Variants in BIN1 observed in about 807,000 individuals in gnomAD.
The protein encoded by BIN1 is myc box-dependent-interacting protein 1.
BIN1 carries 53 observed loss-of-function variants against 82.0 expected under a neutral mutation model. That is an observed-to-expected ratio of 0.65 (90% CI 0.52 to 0.81). BIN1 has a LOEUF of 0.81. BIN1 is among the 40% of genes least tolerant of loss of function. BIN1 has a pLI of 0.00. For missense variants in BIN1, 642 were observed against 784.4 expected, an observed-to-expected ratio of 0.82 and a Z score of 2.17; for synonymous variants, 302 against 328.0, an observed-to-expected ratio of 0.92 and a Z score of 0.86.
Position 127,093,051 on chromosome 2 carries a change from A to G in BIN1, c.84+13809T>C, listed in dbSNP as rs951601405. ...GGGCACAGCCTGGGGGCCCCCCCAC[A>G]GATGCCAGGTCAGCCCCCAGCCACC... On this transcript the variant is annotated intron_variant, in intron 1 of 18. Coordinates refer to ENST00000316724, the MANE Select transcript of BIN1 (RefSeq NM_139343.3). This position sits in a 1 kb window ranked among gnomAD's most constrained non-coding sequence, Gnocchi z 5.7. Among the ~76,000 whole-genome samples, 1 of 150,840 alleles carries G rather than the reference A, an allele frequency of 6.6e-6. No homozygotes were observed. Among genetic ancestry groups the G allele is most frequent in the Non-Finnish European group, 1.5e-5 (1 of 67,846 alleles).
At chr2:127,056,504 G>T (rs928873646) in intron 12 of BIN1, 1 of 152,578 alleles carries the variant, frequency 6.6e-6, no homozygotes, top group Non-Finnish European at 1.5e-5. Flanking sequence ...AGTTCCCAGC[G>T]GCCACTCCCC....
In BIN1 at chr2:127,068,067, G is replaced by A; in HGVS notation, c.612+96C>T. 7.8e-7 allele frequency: 1 copy of A among 1,283,760 alleles called. No individual in the cohort carries two copies. Among genetic ancestry groups the A allele is most frequent in the South Asian group, 1.3e-5 (1 of 78,968 alleles). The allele number at this position is 1,283,760 out of a possible 1,614,324, so 79.5% of individuals were successfully genotyped here. On this transcript the variant is annotated intron_variant, in intron 7 of 18. Transcript: ENST00000316724. This position sits in a 1 kb window ranked among gnomAD's most constrained non-coding sequence, Gnocchi z 4.9. ...CCTTTGAAAAACCCTGCCCCAGCTG[G>A]GCTCAGATGCCAGCCCTGCATTCCA...
chr2:127,091,136 T>C (rs1217096242), intron 1 of BIN1, among the ~76,000 whole-genome samples: 2 of 152,148 alleles, frequency 1.3e-5, no homozygotes, highest in East Asian at 3.9e-4. Context: ...CAAACAGTAT[T>C]GTTGTCATTT....
chr2:127,077,770 G>T (rs1177938122), intron 1 of BIN1, among the ~76,000 whole-genome samples: 1 of 152,334 alleles, frequency 6.6e-6, no homozygotes, highest in East Asian at 1.9e-4. Context: ...AGACCAGGGT[G>T]GCGGCGGGAC....
rs1191840422 is a variant in BIN1 at position 127,050,891 on chromosome 2, C to T, written c.1483G>A (p.Val495Met). The T allele has an allele frequency of 2.5e-6, 4 of 1,613,874 alleles. No individual in the cohort carries two copies. Among genetic ancestry groups the T allele is most frequent in the African/African-American group, 2.7e-5 (2 of 74,930 alleles). ...TTCACAGTTGCTGGGAAGGTCTCCA[C>T]CACGACAGCAGGAAGAGAGCTCTGG... Reference protein sequence around the residue: ...AASSSLPAVVVETFPATVNGT... With the variant: ...AASSSLPAVVMETFPATVNGT... The change falls in exon 17 of 19, where the codon GTG becomes ATG. Residue 495 changes from valine to methionine, a missense_variant. Coordinates refer to ENST00000316724, the MANE Select transcript of BIN1 (RefSeq NM_139343.3).
chr2:127,087,518 G>A (rs894803454), intron 1 of BIN1, among the ~76,000 whole-genome samples: 8 of 152,218 alleles, frequency 5.3e-5, no homozygotes, highest in Non-Finnish European at 1.0e-4. Context: ...GGGGAGCCCC[G>A]AGCAGAGCAC....
Position 127,049,959 on chromosome 2 carries a change from G to A in BIN1, c.1674+462C>T, listed in dbSNP as rs148296279. Among the ~76,000 whole-genome samples, 1,285 of 152,320 alleles carry A rather than the reference G, an allele frequency of 8.4e-3. 15 individuals are homozygous for A. Among genetic ancestry groups the A allele is most frequent in the African/African-American group, 0.029 (1,219 of 41,580 alleles). On this transcript the variant is annotated intron_variant, in intron 18 of 18. Coordinates refer to ENST00000316724, the MANE Select transcript of BIN1 (RefSeq NM_139343.3). Reference sequence around the variant, plus strand: ...GCGTGCACAGGGCAGGGCCCGCCTCGAGGGACGGCACACGGGGCTTCATGA... The same window carrying A: ...GCGTGCACAGGGCAGGGCCCGCCTCAAGGGACGGCACACGGGGCTTCATGA...
chr2:127,086,788 G>C (rs970956096), intron 1 of BIN1, among the ~76,000 whole-genome samples: 5 of 150,762 alleles, frequency 3.3e-5, no homozygotes, highest in Non-Finnish European at 4.4e-5. Flanking sequence ...TTATAGGCAT[G>C]AGCCACCGCG....
In BIN1 at chr2:127,051,763, G is replaced by A. The variant is rs147581486; in HGVS notation, c.1371+492C>T. On this transcript the variant is annotated intron_variant, in intron 15 of 18. Coordinates refer to ENST00000316724, the MANE Select transcript of BIN1 (RefSeq NM_139343.3). ...AAGGGTGTGGCACAGAATGGGCACC[G>A]CAGCACGGGCACCGCAGCACGGGCA... 2.9e-3 allele frequency among the ~76,000 whole-genome samples: 441 copies of A among 152,060 alleles called. 3 individuals are homozygous for A. Among genetic ancestry groups the A allele is most frequent in the African/African-American group, 9.9e-3 (411 of 41,460 alleles).
intron 1 of BIN1, among the ~76,000 whole-genome samples, chr2:127,097,157 C>T (rs1419975548): frequency 2.0e-5 from 3 of 152,206 alleles, no homozygotes; most frequent in Non-Finnish European, 4.4e-5. Context: ...CCCAGCTCTG[C>T]AACAAAAGGA....
At chr2:127,058,561 C>G (rs143727157) in intron 11 of BIN1, among the ~76,000 whole-genome samples, 1 of 149,804 alleles carries the variant, frequency 6.7e-6, no homozygotes, top group Admixed American at 6.6e-5. Flanking sequence ...CTTCCTCTCT[C>G]TGTCCCTTTA....
intron 14 of BIN1, 149 bp downstream of exon 14, chr2:127,053,273 C>T: frequency 8.4e-7 from 1 of 1,190,358 alleles, no homozygotes; most frequent in Non-Finnish European, 1.2e-6. Context: ...TCACCAGCTC[C>T]CTGTGCGTGA....
intron 1 of BIN1, among the ~76,000 whole-genome samples, chr2:127,092,869 C>G (rs535901491): frequency 1.3e-5 from 2 of 152,076 alleles, no homozygotes; most frequent in Non-Finnish European, 2.9e-5. Flanking sequence ...CCCCTGTGCC[C>G]GAAAGGAAGA....
intron 1 of BIN1, among the ~76,000 whole-genome samples, chr2:127,088,714 G>C (rs975707450): frequency 6.6e-6 from 1 of 151,484 alleles, no homozygotes; most frequent in African/African-American, 2.4e-5. Context: ...ACTCCAGCCA[G>C]GGCGACAGAG....
At chr2:127,060,649 A>G in intron 10 of BIN1, 5 of 1,614,106 alleles carry the variant, frequency 3.1e-6, no homozygotes, top group Non-Finnish European at 4.2e-6. Context: ...TTCTGTGGGG[A>G]CGGACGGGAG....
chr2:127,069,519 C>G (rs1685589008), intron 5 of BIN1, among the ~76,000 whole-genome samples: 1 of 152,210 alleles, frequency 6.6e-6, no homozygotes. Flanking sequence ...GCTCCGAGCA[C>G]CAACCCAGGC....
chr2:127,079,397 A>G (rs1687017778), intron 1 of BIN1, among the ~76,000 whole-genome samples: 1 of 152,154 alleles, frequency 6.6e-6, no homozygotes, highest in Admixed American at 6.5e-5. Flanking sequence ...AAATCCCTAA[A>G]AGGCCTTCAG....
chr2:127,091,233 C>A (rs975749665), intron 1 of BIN1, among the ~76,000 whole-genome samples: 1 of 152,112 alleles, frequency 6.6e-6, no homozygotes, highest in Admixed American at 6.5e-5. Flanking sequence ...AGGCACCCCA[C>A]GCAGCACAGT....
chr2:127,073,678 G>A (rs1686224409), intron 2 of BIN1, among the ~76,000 whole-genome samples: 1 of 152,208 alleles, frequency 6.6e-6, no homozygotes, highest in Non-Finnish European at 1.5e-5. Context: ...TCAATAGTCA[G>A]GGATGCCCAT....
Sources: gnomAD v4.1 joint callset for allele counts (sites outside exome capture counted in the v4.1 genomes callset) on GRCh38, gnomAD v4.1.1 for gene constraint, Gnocchi (gnomAD v3.1) non-coding constraint, MANE v1.5 for transcripts, NCBI Gene and HGNC (gene_info 2026-07-23, HGNC 2026-07-21) for gene names.